DOCK3: variants seen among roughly 807,000 people sequenced by gnomAD.
DOCK3 encodes dedicator of cytokinesis 3, also known as dedicator of cytokinesis protein 3.
DOCK3 carries 60 observed loss-of-function variants against 265.6 expected under a neutral mutation model. That is an observed-to-expected ratio of 0.23 (90% CI 0.18 to 0.28). The LOEUF is 0.28. DOCK3 is among the 10% of genes least tolerant of loss of function. The pLI is 1.00. For synonymous variants in DOCK3, 881 were observed against 938.0 expected (o/e 0.94, Z 1.11); for missense variants, 1,981 against 2,594.3 (o/e 0.76, Z 5.14).
At chr3:50,800,185 A>C (rs946167855) in intron 2 of DOCK3, among the ~76,000 whole-genome samples, 1 of 152,144 alleles carries the variant, frequency 6.6e-6, no homozygotes, top group Admixed American at 6.5e-5. Context: ...TGGTTTTGCT[A>C]TCAAGGTAAT....
intron 1 of DOCK3, among the ~76,000 whole-genome samples, chr3:50,714,349 C>T (rs957134573): frequency 3.9e-5 from 6 of 152,206 alleles, no homozygotes; most frequent in African/African-American, 9.6e-5. Context: ...CTGCTTACTT[C>T]ACCAGCTTTG....
At chr3:50,867,074 TG>T (rs1184029570) in intron 3 of DOCK3, among the ~76,000 whole-genome samples, 1 of 152,226 alleles carries the variant, frequency 6.6e-6, no homozygotes, top group African/African-American at 2.4e-5. Context: ...GAACATGGAA[TG>T]TTTTTTATTT....
At chr3:51,110,227 A>C (rs1478386305) in intron 9 of DOCK3, among the ~76,000 whole-genome samples, 1 of 152,202 alleles carries the variant, frequency 6.6e-6, no homozygotes, top group Non-Finnish European at 1.5e-5. Flanking sequence ...ACGGATTCAC[A>C]GCCAAATTCT....
chr3:51,096,523 T>A (rs2082864434), intron 9 of DOCK3, among the ~76,000 whole-genome samples: 1 of 152,224 alleles, frequency 6.6e-6, no homozygotes, highest in African/African-American at 2.4e-5. Flanking sequence ...CTAAACTGGT[T>A]ATTGTAGTTA....
At chr3:51,373,982 G>A (rs989551440) in intron 49 of DOCK3, among the ~76,000 whole-genome samples, 3 of 152,214 alleles carry the variant, frequency 2.0e-5, no homozygotes, top group African/African-American at 7.2e-5. Context: ...GTGGTGTCAG[G>A]AGAAGGTAAG....
chr3:50,833,713 C>G (rs1253400490), intron 2 of DOCK3, among the ~76,000 whole-genome samples: 1 of 152,172 alleles, frequency 6.6e-6, no homozygotes, highest in Non-Finnish European at 1.5e-5. Context: ...CTCTACACGT[C>G]AAGTTTGATT....
At chr3:50,795,367 T>A (rs1011502148) in intron 2 of DOCK3, among the ~76,000 whole-genome samples, 1 of 152,118 alleles carries the variant, frequency 6.6e-6, no homozygotes, top group Non-Finnish European at 1.5e-5. Context: ...GGGACACCAA[T>A]GAGTTATGGA....
intron 3 of DOCK3, among the ~76,000 whole-genome samples, chr3:50,878,392 G>T (rs978849971): frequency 6.6e-6 from 1 of 152,180 alleles, no homozygotes; most frequent in Non-Finnish European, 1.5e-5. Context: ...AAAAAGATTA[G>T]ATGGGTGGCT....
intron 5 of DOCK3, among the ~76,000 whole-genome samples, chr3:50,949,260 A>G (rs1185176569): frequency 2.0e-5 from 3 of 152,208 alleles, no homozygotes; most frequent in East Asian, 1.9e-4. Context: ...TATGTTTCAT[A>G]TATCAGGAGT....
At chr3:50,819,676 G>C (rs1395079499) in intron 2 of DOCK3, among the ~76,000 whole-genome samples, 1 of 152,124 alleles carries the variant, frequency 6.6e-6, no homozygotes, top group East Asian at 1.9e-4. Flanking sequence ...TAAAGGCCAT[G>C]GTGAGCCAGG....
At chr3:50,804,260 C>T (rs959661403) in intron 2 of DOCK3, among the ~76,000 whole-genome samples, 3 of 151,648 alleles carry the variant, frequency 2.0e-5, no homozygotes, top group Admixed American at 6.6e-5. Context: ...CCAGACTGGG[C>T]GGCCAGGCAG....
chr3:51,249,265 C>T (rs1209775940), intron 22 of DOCK3, among the ~76,000 whole-genome samples: 4 of 140,384 alleles, frequency 2.8e-5, no homozygotes, highest in Admixed American at 1.4e-4. Context: ...TCTGCCCGGC[C>T]GCCCCTACTG....
chr3:51,059,698 A>G (rs958000256), intron 5 of DOCK3, among the ~76,000 whole-genome samples: 7 of 152,120 alleles, frequency 4.6e-5, no homozygotes, highest in Non-Finnish European at 7.3e-5. Context: ...AGAATAAAGC[A>G]GTCAGAGGAA....
intron 2 of DOCK3, among the ~76,000 whole-genome samples, chr3:50,819,476 A>C (rs1246918006): frequency 6.6e-6 from 1 of 152,236 alleles, no homozygotes; most frequent in Non-Finnish European, 1.5e-5. Context: ...TAGATTAGCC[A>C]AAGTTTTAAG....
chr3:50,777,173 T>C (rs1454244651), intron 1 of DOCK3, among the ~76,000 whole-genome samples: 7 of 152,236 alleles, frequency 4.6e-5, no homozygotes, highest in African/African-American at 1.7e-4. Context: ...GAGATCTGGG[T>C]GGGGACACAG....
intron 14 of DOCK3, among the ~76,000 whole-genome samples, chr3:51,215,703 T>G (rs2089743638): frequency 6.6e-6 from 1 of 152,164 alleles, no homozygotes; most frequent in African/African-American, 2.4e-5. Flanking sequence ...TCACCTTCAT[T>G]CTCTCTCCAT....
intron 31 of DOCK3, among the ~76,000 whole-genome samples, chr3:51,313,288 A>G (rs769565981): frequency 1.3e-5 from 2 of 152,260 alleles, no homozygotes; most frequent in Non-Finnish European, 2.9e-5. Flanking sequence ...TACCCAGTAC[A>G]TGAGCAAAGG....
At position 51,227,463 on chromosome 3, in the gene DOCK3, C is replaced by A. The variant is rs112656755; in HGVS notation, c.1540+18C>A. On this transcript the variant is annotated intron_variant, in intron 16 of 52. Coordinates refer to ENST00000266037, the MANE Select transcript of DOCK3 (RefSeq NM_004947.5). ...TTGTTCCAGTGAGTTAGACTTCCCCCCCTCCACATTCCCTTGAGAATATAA... is the reference window on the plus strand; with the variant it reads ...TTGTTCCAGTGAGTTAGACTTCCCCACCTCCACATTCCCTTGAGAATATAA... The A allele has an allele frequency of 1.9e-6, 3 of 1,613,500 alleles. No homozygotes were observed. Among genetic ancestry groups the A allele is most frequent in the Non-Finnish European group, 2.5e-6 (3 of 1,179,596 alleles).
At chr3:51,348,064 A>G (rs1162672074) in intron 38 of DOCK3, among the ~76,000 whole-genome samples, 1 of 152,224 alleles carries the variant, frequency 6.6e-6, no homozygotes, top group African/African-American at 2.4e-5. Flanking sequence ...TTTTCTAAGT[A>G]TACAATCATG....
Sources: gnomAD v4.1 joint callset for allele counts (sites outside exome capture counted in the v4.1 genomes callset) on GRCh38, gnomAD v4.1.1 for gene constraint, MANE v1.5 for transcripts, NCBI Gene and HGNC (gene_info 2026-07-23, HGNC 2026-07-21) for gene names.